Variants in GALNTL6 observed in about 807,000 individuals in gnomAD.
The protein encoded by GALNTL6 is polypeptide N-acetylgalactosaminyltransferase-like 6.
In GALNTL6, 46 loss-of-function variants were observed where a neutral mutation model predicts 73.7. The ratio of observed to expected loss-of-function variants is 0.62; its 90% confidence interval spans 0.49 to 0.80. GALNTL6 has a LOEUF of 0.80. GALNTL6 is among the 30% of genes least tolerant of loss of function. GALNTL6 has a pLI of 0.00. For missense variants in GALNTL6, 604 were observed against 755.0 expected (o/e 0.80, Z 2.34); for synonymous variants, 259 against 263.7 (o/e 0.98, Z 0.17).
At chr4:172,359,804 TA>T (rs554809983) in intron 5 of GALNTL6, among the ~76,000 whole-genome samples, 274 of 152,250 alleles carry the variant, frequency 1.8e-3, no homozygotes, top group African/African-American at 6.4e-3. Flanking sequence ...ACCCACTGAC[TA>T]AAGCACTTCA....
rs190722192 is a variant in GALNTL6, at chr4:172,588,278, A to G, written c.554-221083A>G. On this transcript the variant is annotated intron_variant, in intron 5 of 12. Coordinates refer to ENST00000506823, the MANE Select transcript of GALNTL6 (RefSeq NM_001034845.3). ...ATTTTATTTTTAAAAACAAAATATC[A>G]TGTGGCAGAAGACACATTAAAAAAG... 1.2e-4 allele frequency among the ~76,000 whole-genome samples: 18 copies of G among 152,244 alleles called. No homozygotes were observed. In the East Asian group the frequency reaches 3.1e-3, roughly 26 times the overall value.
chr4:172,482,052 C>G (rs368287253), intron 5 of GALNTL6, among the ~76,000 whole-genome samples: 3 of 152,214 alleles, frequency 2.0e-5, no homozygotes, highest in South Asian at 2.1e-4. Flanking sequence ...AGAATTCGAG[C>G]GCAGCGCAGG....
intron 5 of GALNTL6, among the ~76,000 whole-genome samples, chr4:172,800,629 AT>A (rs537531420): frequency 1.8e-4 from 28 of 151,852 alleles, no homozygotes; most frequent in African/African-American, 5.1e-4. Flanking sequence ...TATATAGCCT[AT>A]TTTTTTTGCA....
At position 172,785,857 on chromosome 4, in the gene GALNTL6, G is replaced by T. The variant is rs576932920; in HGVS notation, c.554-23504G>T. 2.3e-3 allele frequency among the ~76,000 whole-genome samples: 349 copies of T among 152,256 alleles called. 1 individual carries two copies. The highest frequency in any genetic ancestry group is 4.4e-3 in the Non-Finnish European group (296 of 68,016). Reference sequence around the variant, plus strand: ...GCTCTGGGGCTTATGTTTTCTGTATGTGAGTTTTTGTTGGTGTTTCTTATA... The same window carrying T: ...GCTCTGGGGCTTATGTTTTCTGTATTTGAGTTTTTGTTGGTGTTTCTTATA... On this transcript the variant is annotated intron_variant, in intron 5 of 12. Transcript: ENST00000506823.
At chr4:172,128,073 C>CA (rs1432536386) in intron 2 of GALNTL6, among the ~76,000 whole-genome samples, 1 of 151,858 alleles carries the variant, frequency 6.6e-6, no homozygotes, top group East Asian at 1.9e-4. Flanking sequence ...CATTGCATAT[C>CA]AGCCTGGACG....
At chr4:171,974,095 G>A (rs910834032) in intron 2 of GALNTL6, among the ~76,000 whole-genome samples, 1 of 152,050 alleles carries the variant, frequency 6.6e-6, no homozygotes, top group Non-Finnish European at 1.5e-5. Context: ...TACCTCCCAG[G>A]CCCAAGCGAT....
chr4:172,335,151 T>C (rs555817503), intron 4 of GALNTL6, among the ~76,000 whole-genome samples: 28 of 152,214 alleles, frequency 1.8e-4, no homozygotes, highest in African/African-American at 6.0e-4. Flanking sequence ...TTTCACCGTG[T>C]TAGCCAGGAG....
chr4:171,920,514 T>C (rs1374080400), intron 2 of GALNTL6, among the ~76,000 whole-genome samples: 1 of 152,120 alleles, frequency 6.6e-6, no homozygotes, highest in Admixed American at 6.6e-5. Flanking sequence ...TATCCAGGAA[T>C]ATATCAAAAG....
chr4:172,811,501 A>G lies in GALNTL6; in HGVS notation c.739+1955A>G, dbSNP rs571264679. ...ATGAGAGAAAAAATATTCTGGACCC[A>G]GCAACAATGGTCTCCTCTGTCAAAG... On this transcript the variant is annotated intron_variant, in intron 6 of 12. Transcript: ENST00000506823. Among the ~76,000 whole-genome samples, 63 of 152,328 alleles carry G rather than the reference A, an allele frequency of 4.1e-4. 1 individual carries two copies. The highest frequency in any genetic ancestry group is 1.5e-3 in the African/African-American group (62 of 41,582).
chr4:171,882,932 T>C (rs1736495661), intron 2 of GALNTL6, among the ~76,000 whole-genome samples: 1 of 152,222 alleles, frequency 6.6e-6, no homozygotes, highest in Admixed American at 6.5e-5. Flanking sequence ...AAATTGGTAA[T>C]GCAATTACAA....
At chr4:171,839,666 A>C (rs2110840690) in intron 2 of GALNTL6, among the ~76,000 whole-genome samples, 1 of 146,494 alleles carries the variant, frequency 6.8e-6, no homozygotes, top group East Asian at 2.0e-4. Context: ...CAAGGGAATA[A>C]CAGGATTGCA....
At chr4:172,516,044 C>T (rs1734595995) in intron 5 of GALNTL6, among the ~76,000 whole-genome samples, 1 of 152,108 alleles carries the variant, frequency 6.6e-6, no homozygotes. Flanking sequence ...TTCATGAGGA[C>T]AAATATTTTT....
chr4:172,172,465 G>A (rs554313917), intron 2 of GALNTL6, among the ~76,000 whole-genome samples: 4 of 152,160 alleles, frequency 2.6e-5, no homozygotes, highest in Non-Finnish European at 4.4e-5. Flanking sequence ...CCAAAGTGCC[G>A]GGATTATAGG....
chr4:172,156,013 C>G (rs1418004083), intron 2 of GALNTL6, among the ~76,000 whole-genome samples: 1 of 152,036 alleles, frequency 6.6e-6, no homozygotes, highest in Non-Finnish European at 1.5e-5. Context: ...GTTGGAACCC[C>G]GAGAACGTGC....
chr4:172,574,018 T>C (rs1158066808), intron 5 of GALNTL6, among the ~76,000 whole-genome samples: 1 of 152,152 alleles, frequency 6.6e-6, no homozygotes, highest in Non-Finnish European at 1.5e-5. Flanking sequence ...ATAGTCACTG[T>C]GCAGAATTTT....
intron 5 of GALNTL6, among the ~76,000 whole-genome samples, chr4:172,501,333 T>C (rs146481280): frequency 6.6e-6 from 1 of 152,322 alleles, no homozygotes; most frequent in African/African-American, 2.4e-5. Flanking sequence ...AATGCAGCTT[T>C]ATTAATCAAA....
chr4:171,904,458 G>C (rs1258605354), intron 2 of GALNTL6, among the ~76,000 whole-genome samples: 1 of 152,178 alleles, frequency 6.6e-6, no homozygotes, highest in East Asian at 1.9e-4. Flanking sequence ...AGAATAAAAA[G>C]AAACGAGTAA....
At position 171,949,381 on chromosome 4, in the gene GALNTL6, T is replaced by C. The variant is rs544799675; in HGVS notation, c.138+134663T>C. On this transcript the variant is annotated intron_variant, in intron 2 of 12. Coordinates refer to ENST00000506823, the MANE Select transcript of GALNTL6 (RefSeq NM_001034845.3). ...ATTTGTGTTCTTGGTTTCTAGAATG[T>C]CCAGGCTAGGGGAAGAAATAAATAC... Among the ~76,000 whole-genome samples, 102 of 152,332 alleles carry C rather than the reference T, an allele frequency of 6.7e-4. 1 individual carries two copies. Among genetic ancestry groups the C allele is most frequent in the Non-Finnish European group, 1.4e-3 (94 of 68,024 alleles).
At chr4:172,082,534 A>T (rs2110923741) in intron 2 of GALNTL6, among the ~76,000 whole-genome samples, 1 of 152,312 alleles carries the variant, frequency 6.6e-6, no homozygotes, top group Non-Finnish European at 1.5e-5. Flanking sequence ...AAATAACTGT[A>T]TAGGGGAGAA....
Sources: allele counts gnomAD v4.1 joint callset (sites outside exome capture counted in the v4.1 genomes callset), GRCh38; gene constraint gnomAD v4.1.1; transcripts MANE v1.5; gene names NCBI Gene and HGNC (gene_info 2026-07-23, HGNC 2026-07-21).